AUTS2: variants seen among roughly 807,000 people sequenced by gnomAD.
AUTS2 encodes the protein autism susceptibility gene 2 protein.
AUTS2 carries 17 observed loss-of-function variants against 112.4 expected under a neutral mutation model. That is an observed-to-expected ratio of 0.15 (90% CI 0.10 to 0.23). AUTS2 has a LOEUF of 0.23. AUTS2 is among the 10% of genes least tolerant of loss of function. The pLI is 1.00. For missense variants in AUTS2, 1,510 were observed against 1,701.6 expected, an observed-to-expected ratio of 0.89 and a Z score of 1.98; for synonymous variants, 751 against 702.7, an observed-to-expected ratio of 1.07 and a Z score of -1.09.
chr7:70,517,454 A>G (rs1237405691), intron 5 of AUTS2, among the ~76,000 whole-genome samples: 2 of 152,082 alleles, frequency 1.3e-5, no homozygotes, highest in Non-Finnish European at 1.5e-5. Context: ...TGGAGTTGAC[A>G]TGAGTTTTTA....
In AUTS2 at chr7:70,246,799, A is replaced by G. The variant is rs79363529; in HGVS notation, c.660+112228A>G. Among the ~76,000 whole-genome samples, 827 of 152,154 alleles carry G rather than the reference A, an allele frequency of 5.4e-3. 4 individuals carry two copies. The highest frequency in any genetic ancestry group is 9.5e-3 in the Non-Finnish European group (644 of 67,958). ...TAATTTAGAAGGAATTGGCATCTTT[A>G]TGATATTGATTCTTCTAGTCCTTGA... is the stretch of plus-strand genomic sequence containing the variant. On this transcript the variant is annotated intron_variant, in intron 4 of 18. Transcript: ENST00000342771.
At chr7:70,172,944 C>G (rs543451392) in intron 4 of AUTS2, among the ~76,000 whole-genome samples, 1 of 152,136 alleles carries the variant, frequency 6.6e-6, no homozygotes, top group Admixed American at 6.5e-5. Flanking sequence ...AAAGTATATG[C>G]GATTACATTT....
At chr7:70,047,864 G>T (rs1801576482) in intron 2 of AUTS2, among the ~76,000 whole-genome samples, 1 of 152,278 alleles carries the variant, frequency 6.6e-6, no homozygotes, top group African/African-American at 2.4e-5. Context: ...TGATTTTCCA[G>T]AGTAGAGTAG....
At chr7:70,177,586 C>G (rs1450979301) in intron 4 of AUTS2, among the ~76,000 whole-genome samples, 2 of 152,142 alleles carry the variant, frequency 1.3e-5, no homozygotes, top group African/African-American at 4.8e-5. Context: ...CTCAGAAAAA[C>G]TGAAGCTTAT....
At chr7:70,158,693 C>T (rs894327222) in intron 4 of AUTS2, among the ~76,000 whole-genome samples, 35 of 151,942 alleles carry the variant, frequency 2.3e-4, no homozygotes, top group African/African-American at 8.0e-4. Context: ...CAGCCTGGAC[C>T]TCTGGTGCAC....
rs544569066 is a variant in AUTS2 at position 70,230,430 on chromosome 7, T to C, written c.660+95859T>C. On this transcript the variant is annotated intron_variant, in intron 4 of 18. Transcript: ENST00000342771. ...GGACCACCCCTGAAATCAAAATAGTTGAGTGCTCAGTTAAAGATTGGCTAG... is the reference window on the plus strand; with the variant it reads ...GGACCACCCCTGAAATCAAAATAGTCGAGTGCTCAGTTAAAGATTGGCTAG... Among the ~76,000 whole-genome samples, 10 of 152,294 alleles carry C rather than the reference T, an allele frequency of 6.6e-5. No homozygotes were observed. In the South Asian group the frequency reaches 2.1e-3, roughly 32 times the overall value.
chr7:70,766,003 CCT>C lies in AUTS2; in HGVS notation c.1469-110_1469-109del. On this transcript the variant is annotated intron_variant, in intron 8 of 18. Transcript: ENST00000342771. The surrounding 1 kb of genome is among the most constrained non-coding windows in gnomAD (Gnocchi z 4.8). ...CGTTTATCTCAGGGCCCAGCCACAC[CCT>C]GTCACCCCTGCCACTGTGTCACCAG... 3.3e-6 allele frequency: 5 copies of C among 1,494,842 alleles called. No homozygotes were observed. Among genetic ancestry groups the C allele is most frequent in the East Asian group, 2.4e-5 (1 of 42,254 alleles). 92.6% of individuals were successfully genotyped at this position (1,494,842 alleles called of 1,614,324 possible).
At chr7:69,948,862 A>G (rs556795155) in intron 2 of AUTS2, among the ~76,000 whole-genome samples, 3 of 151,382 alleles carry the variant, frequency 2.0e-5, no homozygotes, top group African/African-American at 4.8e-5. Flanking sequence ...CTGGAGTGCA[A>G]TGGCATGATC....
At chr7:70,102,246 G>A (rs552858343) in intron 2 of AUTS2, among the ~76,000 whole-genome samples, 1 of 151,168 alleles carries the variant, frequency 6.6e-6, no homozygotes, top group East Asian at 2.0e-4. Context: ...AGCCTCCCGA[G>A]TAGCTGGGAC....
intron 4 of AUTS2, among the ~76,000 whole-genome samples, chr7:70,407,023 A>G (rs1183959668): frequency 1.3e-5 from 2 of 152,218 alleles, no homozygotes; most frequent in South Asian, 2.1e-4. Flanking sequence ...GCATATGCCA[A>G]AAACTGAGCT....
intron 1 of AUTS2, among the ~76,000 whole-genome samples, chr7:69,844,311 G>T (rs1270345704): frequency 6.6e-6 from 1 of 152,142 alleles, no homozygotes; most frequent in Non-Finnish European, 1.5e-5. Context: ...TACTTAAATG[G>T]TTATTGCTAT....
intron 1 of AUTS2, among the ~76,000 whole-genome samples, chr7:69,785,218 A>G (rs1297355485): frequency 6.6e-6 from 1 of 152,204 alleles, no homozygotes; most frequent in Non-Finnish European, 1.5e-5. Context: ...GGGACTGAAA[A>G]TATTTTTTTC....
At chr7:70,204,182 G>A (rs12698869) in intron 4 of AUTS2, among the ~76,000 whole-genome samples, 32,214 of 152,038 alleles carry the variant, frequency 0.21, 3,383 homozygotes, top group Middle Eastern at 0.33. Flanking sequence ...AACAAGGAAT[G>A]TGTTGCCTCA....
intron 5 of AUTS2, among the ~76,000 whole-genome samples, chr7:70,441,784 C>T (rs1796131609): frequency 6.6e-6 from 1 of 152,204 alleles, no homozygotes; most frequent in Non-Finnish European, 1.5e-5. Context: ...AGAAAACCAG[C>T]AAAGTCTTAT....
chr7:69,820,476 T>C (rs1228076408), intron 1 of AUTS2, among the ~76,000 whole-genome samples: 1 of 152,212 alleles, frequency 6.6e-6, no homozygotes, highest in Non-Finnish European at 1.5e-5. Context: ...CTGCAGGTGA[T>C]TCAGATTTAT....
intron 5 of AUTS2, among the ~76,000 whole-genome samples, chr7:70,449,230 C>T (rs1244699533): frequency 2.6e-5 from 4 of 152,208 alleles, no homozygotes; most frequent in Non-Finnish European, 4.4e-5. Context: ...TTGATAATTT[C>T]GGAGACTTCG....
chr7:70,272,050 C>T (rs1787719091), intron 4 of AUTS2, among the ~76,000 whole-genome samples: 1 of 152,120 alleles, frequency 6.6e-6, no homozygotes, highest in Non-Finnish European at 1.5e-5. Context: ...CTGCGTCTCT[C>T]CTGAGGATGC....
intron 1 of AUTS2, among the ~76,000 whole-genome samples, chr7:69,792,509 G>T (rs1467693541): frequency 6.6e-6 from 1 of 152,136 alleles, no homozygotes; most frequent in Non-Finnish European, 1.5e-5. Flanking sequence ...AAAGTGCTGG[G>T]ATTACAGGTG....
chr7:70,739,457 G>C (rs907241412), intron 6 of AUTS2, among the ~76,000 whole-genome samples: 4 of 148,648 alleles, frequency 2.7e-5, no homozygotes, highest in African/African-American at 1.0e-4. Context: ...TGATATTACA[G>C]GCATGAGCCA....
Sources: gnomAD v4.1 joint callset for allele counts (sites outside exome capture counted in the v4.1 genomes callset) on GRCh38, gnomAD v4.1.1 for gene constraint, Gnocchi (gnomAD v3.1) non-coding constraint, MANE v1.5 for transcripts, NCBI Gene and HGNC (gene_info 2026-07-23, HGNC 2026-07-21) for gene names.